The following MTMR12 variants were observed in gnomAD, a reference collection of about 807,000 sequenced individuals.
MTMR12 encodes the protein myotubularin related protein 12.
MTMR12 carries 33 observed loss-of-function variants against 96.7 expected under a neutral mutation model. The observed-to-expected ratio is 0.34, with a 90% CI of 0.26 to 0.46. MTMR12 has a LOEUF of 0.46. MTMR12 is among the 20% of genes least tolerant of loss of function. MTMR12 has a pLI of 1.00. For missense variants in MTMR12, 721 were observed against 896.1 expected, an observed-to-expected ratio of 0.80 and a Z score of 2.49; for synonymous variants, 298 against 327.2, an observed-to-expected ratio of 0.91 and a Z score of 0.96.
At chr5:32,299,311 T>G (rs1751043933) in intron 1 of MTMR12, among the ~76,000 whole-genome samples, 1 of 152,096 alleles carries the variant, frequency 6.6e-6, no homozygotes, top group African/African-American at 2.4e-5. Flanking sequence ...AATTCACCAT[T>G]AGCAAGTAGG....
Position 32,229,922 on chromosome 5 carries a change from GGCAGAGTTCCTCA to G in MTMR12, c.2087_2099del (p.Leu696ProfsTer45). On this transcript the variant is annotated frameshift_variant, in exon 16 of 16. Transcript: ENST00000382142. LOFTEE classifies it high-confidence loss of function. Reference sequence around the variant, plus strand: ...CGAAAGGAAACAAAGACGAGAGGCGGGCAGAGTTCCTCAGCAGGCAGGGGGCCTCAGCCTGGGG... The same window carrying G: ...CGAAAGGAAACAAAGACGAGAGGCGGGCAGGCAGGGGGCCTCAGCCTGGGG... 6.2e-7 allele frequency: 1 copy of G among 1,613,042 alleles called. No homozygotes were observed. Among genetic ancestry groups the G allele is most frequent in the Non-Finnish European group, 8.5e-7 (1 of 1,179,302 alleles).
At chr5:32,239,663 G>T in intron 12 of MTMR12, among the ~76,000 whole-genome samples, 1 of 152,284 alleles carries the variant, frequency 6.6e-6, no homozygotes, top group East Asian at 1.9e-4. Flanking sequence ...ACTCACCTCA[G>T]ACATCCCTTC....
At chr5:32,309,085 T>TG (rs56229416) in intron 1 of MTMR12, among the ~76,000 whole-genome samples, 61,501 of 151,984 alleles carry the variant, frequency 0.4, 12,665 homozygotes, top group East Asian at 0.58. Flanking sequence ...AGGCTTATTT[T>TG]AGACTGAACC....
chr5:32,263,157 C>T lies in MTMR12; in HGVS notation c.669G>A (p.Lys223=). 1.2e-6 allele frequency: 2 copies of T among 1,614,218 alleles called. No homozygotes were observed. The highest frequency in any genetic ancestry group is 1.7e-6 in the Non-Finnish European group (2 of 1,180,044). ...WELERTKGNM[K]YKAVSVNEGY... is the part of the protein sequence containing the mutation. ...CTTCGTTGACACTCACTGCTTTGTA[C>T]TTCATGTTGCCTTTGGTCCGTTCCA... is the stretch of plus-strand genomic sequence containing the variant. The change falls in exon 7 of 16, where the codon AAG becomes AAA. Residue 223 remains lysine, a synonymous_variant. Transcript: ENST00000382142.
At chr5:32,238,891 T>TTGGCTTACACTTTGC in intron 13 of MTMR12, 110 bp downstream of exon 13, 1 of 1,218,144 alleles carries the variant, frequency 8.2e-7, no homozygotes, top group Non-Finnish European at 1.1e-6. Context: ...ACAAACCTGT[T>TTGGCTTACACTTTGC]TGGCTTACAC....
intron 1 of MTMR12, among the ~76,000 whole-genome samples, chr5:32,293,413 T>G (rs934358749): frequency 2.6e-5 from 4 of 152,186 alleles, no homozygotes; most frequent in Non-Finnish European, 5.9e-5. Flanking sequence ...TCTCCCATGC[T>G]GGATGCTTCG....
chr5:32,277,624 G>A (rs975464444), intron 1 of MTMR12, among the ~76,000 whole-genome samples: 3 of 152,088 alleles, frequency 2.0e-5, no homozygotes, highest in Non-Finnish European at 4.4e-5. Context: ...ACTTTAATTC[G>A]GGAGGCAGAG....
intron 1 of MTMR12, among the ~76,000 whole-genome samples, chr5:32,283,949 G>C (rs1414630467): frequency 2.0e-5 from 3 of 152,084 alleles, no homozygotes; most frequent in African/African-American, 7.2e-5. Context: ...TCCAGGAAAG[G>C]CTCTAACCAT....
At position 32,281,442 on chromosome 5, in the gene MTMR12, A is replaced by C. The variant is rs147070867; in HGVS notation, c.82-4700T>G. 1.8e-3 allele frequency among the ~76,000 whole-genome samples: 278 copies of C among 152,256 alleles called. 1 individual carries two copies. Among genetic ancestry groups the C allele is most frequent in the African/African-American group, 6.4e-3 (266 of 41,548 alleles). On this transcript the variant is annotated intron_variant, in intron 1 of 15. Coordinates refer to ENST00000382142, the MANE Select transcript of MTMR12 (RefSeq NM_001040446.3). The stretch of plus-strand genomic sequence containing the variant: ...CTGTAAGACTTTAACTACATTAGGA[A>C]TATCTGAAGCCAGGGTAAAGGAAAT...
intron 1 of MTMR12, among the ~76,000 whole-genome samples, chr5:32,279,712 C>T (rs928879951): frequency 2.0e-5 from 3 of 152,204 alleles, no homozygotes; most frequent in East Asian, 1.9e-4. Context: ...AATTTTTCCA[C>T]GGACCTGGCA....
intron 1 of MTMR12, chr5:32,296,599 A>G (rs993490720): frequency 2.8e-4 from 58 of 204,824 alleles, no homozygotes; most frequent in African/African-American, 1.3e-3. Flanking sequence ...GCTTGAGGCC[A>G]GGAGTTTGAG....
chr5:32,259,466 C>T (rs1017147116), intron 7 of MTMR12, among the ~76,000 whole-genome samples: 1 of 152,176 alleles, frequency 6.6e-6, no homozygotes, highest in Non-Finnish European at 1.5e-5. Context: ...TGACGCAGGT[C>T]CCCCTCTAAA....
chr5:32,295,435 T>C (rs1207114795), intron 1 of MTMR12, among the ~76,000 whole-genome samples: 1 of 152,242 alleles, frequency 6.6e-6, no homozygotes, highest in Non-Finnish European at 1.5e-5. Context: ...TTACGCGTTA[T>C]GCAAATCAGT....
chr5:32,264,303 C>T (rs571194866), intron 6 of MTMR12, among the ~76,000 whole-genome samples: 2 of 152,270 alleles, frequency 1.3e-5, no homozygotes, highest in East Asian at 1.9e-4. Context: ...AGTCTTTGCA[C>T]ATCTAAAAAA....
chr5:32,256,635 A>G (rs1749149267), intron 7 of MTMR12, among the ~76,000 whole-genome samples: 1 of 152,270 alleles, frequency 6.6e-6, no homozygotes, highest in South Asian at 2.1e-4. Flanking sequence ...TGAAGCTATA[A>G]GAATCTGTAA....
chr5:32,284,280 T>A (rs1218697567), intron 1 of MTMR12, among the ~76,000 whole-genome samples: 1 of 138,984 alleles, frequency 7.2e-6, no homozygotes, highest in Non-Finnish European at 1.5e-5. Flanking sequence ...ATTGCACCAC[T>A]GTACTCCAGC....
intron 15 of MTMR12, chr5:32,232,916 A>C: frequency 1.1e-6 from 1 of 950,618 alleles, no homozygotes; most frequent in Non-Finnish European, 1.3e-6. Flanking sequence ...AGGCAGGATA[A>C]GGATGGCATG....
At chr5:32,237,171 A>C (rs1390122270) in intron 13 of MTMR12, among the ~76,000 whole-genome samples, 2 of 152,246 alleles carry the variant, frequency 1.3e-5, no homozygotes, top group African/African-American at 4.8e-5. Context: ...AGACATGCTG[A>C]CTACCTGGAG....
intron 1 of MTMR12, among the ~76,000 whole-genome samples, chr5:32,280,526 A>C (rs1750250795): frequency 6.6e-6 from 1 of 152,216 alleles, no homozygotes. Flanking sequence ...ATTTGCATCT[A>C]CATATTAGGT....
Sources: gnomAD v4.1 joint callset for allele counts (sites outside exome capture counted in the v4.1 genomes callset) on GRCh38, gnomAD v4.1.1 for gene constraint, MANE v1.5 for transcripts, NCBI Gene and HGNC (gene_info 2026-07-23, HGNC 2026-07-21) for gene names.